The following PCAT7 variants were observed in gnomAD, a reference collection of about 807,000 sequenced individuals.
PCAT7 encodes the protein prostate cancer associated transcript 7 (non-protein coding).
At chr9:94,572,455 A>C (rs1301131858) in intron 2 of PCAT7, among the ~76,000 whole-genome samples, 2 of 152,196 alleles carry the variant, frequency 1.3e-5, no homozygotes, top group Non-Finnish European at 2.9e-5. Context: ...TGTACGTAGA[A>C]GCTTTGTAAA....
At chr9:94,554,614 C>T (rs548811827), upstream of PCAT7, among the ~76,000 whole-genome samples, 8 of 152,106 alleles carry the variant, frequency 5.3e-5, no homozygotes, top group Non-Finnish European at 1.2e-4. Context: ...ATTTCACCAC[C>T]AACCGCAGCG....
At chr9:94,565,938 T>C (rs543936669) in intron 2 of PCAT7, among the ~76,000 whole-genome samples, 15 of 152,200 alleles carry the variant, frequency 9.9e-5, no homozygotes, top group Admixed American at 3.9e-4. Context: ...TTTTACAACA[T>C]TGGGGAGAAA....
At chr9:94,567,059 G>A (rs1433877413) in intron 2 of PCAT7, among the ~76,000 whole-genome samples, 3 of 152,174 alleles carry the variant, frequency 2.0e-5, no homozygotes, top group South Asian at 2.1e-4. Context: ...AAACTCAAAT[G>A]TAAAGATAAG....
intron 2 of PCAT7, among the ~76,000 whole-genome samples, chr9:94,562,060 C>G (rs1238978191): frequency 6.6e-6 from 1 of 152,026 alleles, no homozygotes; most frequent in Non-Finnish European, 1.5e-5. Context: ...ACCTGTAATC[C>G]CAGCACTTTG....
At chr9:94,570,863 C>T (rs1827261779) in intron 2 of PCAT7, 1 of 152,230 alleles carries the variant, frequency 6.6e-6, no homozygotes, top group African/African-American at 2.4e-5. Flanking sequence ...GATCAATGCT[C>T]CATCTCCGCT....
In PCAT7 at chr9:94,571,915, C is replaced by T. The variant is rs76106981; in HGVS notation, n.442-1064C>T. On this transcript the variant is annotated intron_variant and non_coding_transcript_variant, in intron 2 of 8. Transcript: ENST00000647389. Reference sequence around the variant, plus strand: ...CATCATAAGCCATGTTCCCAAGCCACGATACTCACAACTCAGATCACTGAG... The same window carrying T: ...CATCATAAGCCATGTTCCCAAGCCATGATACTCACAACTCAGATCACTGAG... Among the ~76,000 whole-genome samples, 1,415 of 152,264 alleles carry T rather than the reference C, an allele frequency of 9.3e-3. 15 individuals are homozygous for T. The highest frequency in any genetic ancestry group is 0.032 in the African/African-American group (1,349 of 41,544).
At chr9:94,560,810 G>A (rs1199845526) in intron 2 of PCAT7, among the ~76,000 whole-genome samples, 1 of 149,674 alleles carries the variant, frequency 6.7e-6, no homozygotes, top group Non-Finnish European at 1.5e-5. Context: ...ATATTAAGGA[G>A]AGGAACATGA....
At chr9:94,569,940 C>G (rs983970264) in intron 2 of PCAT7, 1 of 152,238 alleles carries the variant, frequency 6.6e-6, no homozygotes, top group African/African-American at 2.4e-5. Context: ...TGACAACTGC[C>G]ACAAGCTACC....
chr9:94,571,606 T>C, intron 2 of PCAT7: 1 of 1,609,860 alleles, frequency 6.2e-7, no homozygotes, highest in Non-Finnish European at 8.5e-7. Flanking sequence ...CTGAGGTCTG[T>C]GGAAGAGAGG....
chr9:94,562,816 C>A (rs1195870095), intron 2 of PCAT7, among the ~76,000 whole-genome samples: 1 of 152,150 alleles, frequency 6.6e-6, no homozygotes, highest in Admixed American at 6.5e-5. Context: ...ACTACCTTTC[C>A]AGATATATTG....
intron 2 of PCAT7, among the ~76,000 whole-genome samples, chr9:94,565,588 TAGAGATGGA>T (rs1172707188): frequency 6.6e-6 from 1 of 152,136 alleles, no homozygotes; most frequent in Non-Finnish European, 1.5e-5. Flanking sequence ...TATCAGGAAC[TAGAGATGGA>T]ACCCATATTC....
At chr9:94,572,754 A>G (rs975203117) in intron 2 of PCAT7, among the ~76,000 whole-genome samples, 1 of 152,212 alleles carries the variant, frequency 6.6e-6, no homozygotes, top group Non-Finnish European at 1.5e-5. Context: ...ATACATGCAT[A>G]CATGCAGTGA....
chr9:94,558,773 T>G (rs538577903), intron 1 of PCAT7: 69 of 642,698 alleles, frequency 1.1e-4, no homozygotes, highest in Non-Finnish European at 1.8e-4. Flanking sequence ...TAGAATCGCC[T>G]GTGGCTTCCA....
chr9:94,572,201 C>T (rs929412694), intron 2 of PCAT7, among the ~76,000 whole-genome samples: 1 of 152,134 alleles, frequency 6.6e-6, no homozygotes, highest in African/African-American at 2.4e-5. Flanking sequence ...GTTGGTGCTC[C>T]TTCTGGTCCT....
chr9:94,557,195 C>A (rs564313642), intron 1 of PCAT7, among the ~76,000 whole-genome samples: 3 of 152,196 alleles, frequency 2.0e-5, no homozygotes, highest in South Asian at 2.1e-4. Flanking sequence ...ATTCCAGATT[C>A]TTTTGTCTAT....
intron 2 of PCAT7, among the ~76,000 whole-genome samples, chr9:94,566,002 T>C (rs181679620): frequency 5.3e-5 from 8 of 152,188 alleles, no homozygotes; most frequent in South Asian, 2.1e-4. Flanking sequence ...AGCCACAGTT[T>C]TAGCAGAAAA....
chr9:94,559,071 G>A (rs374298239), exon 2 of PCAT7: 52 of 1,613,940 alleles, frequency 3.2e-5, no homozygotes, highest in East Asian at 4.5e-5. Flanking sequence ...CCCCGTGGTC[G>A]CCAAGCCTCC....
At chr9:94,564,589 T>G (rs1827158554) in intron 2 of PCAT7, among the ~76,000 whole-genome samples, 1 of 152,100 alleles carries the variant, frequency 6.6e-6, no homozygotes, top group Non-Finnish European at 1.5e-5. Context: ...ATGTTCTCAC[T>G]TATAAGTAGG....
At chr9:94,564,179 C>T (rs1028372396) in intron 2 of PCAT7, among the ~76,000 whole-genome samples, 3 of 152,184 alleles carry the variant, frequency 2.0e-5, no homozygotes, top group African/African-American at 7.2e-5. Context: ...GAAAAATATA[C>T]ATTCTTCTCA....
Sources: gnomAD v4.1 joint callset for allele counts (sites outside exome capture counted in the v4.1 genomes callset) on GRCh38, gnomAD v4.1.1 for gene constraint, MANE v1.5 for transcripts, NCBI Gene and HGNC (gene_info 2026-07-23, HGNC 2026-07-21) for gene names.